RTN4IP1: variants seen among roughly 807,000 people sequenced by gnomAD.
RTN4IP1 encodes the protein NAD(P)H oxidoreductase RTN4IP1, mitochondrial.
Under a neutral mutation model 46.6 loss-of-function variants are expected in RTN4IP1, and 32 were observed. The ratio of observed to expected loss-of-function variants is 0.69; its 90% confidence interval spans 0.52 to 0.92. RTN4IP1 has a LOEUF of 0.92. Ranked by LOEUF, RTN4IP1 falls within the 40% of genes least tolerant of loss-of-function variation. The pLI is 0.00. For missense variants in RTN4IP1, 424 were observed against 485.8 expected (o/e 0.87, Z 1.20); for synonymous variants, 167 against 161.8 (o/e 1.03, Z -0.24).
chr6:106,572,007 T>TTA lies in RTN4IP1; in HGVS notation c.1179_1180insTA (p.Asn394Ter). 6.2e-7 allele frequency: 1 copy of TTA among 1,611,082 alleles called. No individual in the cohort carries two copies. The highest frequency in any genetic ancestry group is 8.5e-7 in the Non-Finnish European group (1 of 1,177,458). Reference sequence around the variant, plus strand: ...AACTGCATTTTTATTTAAACAACATTAATTACAGTCTTTCCTCGTGCGTGT... The same window carrying TTA: ...AACTGCATTTTTATTTAAACAACATTTAAATTACAGTCTTTCCTCGTGCGTGT... On this transcript the variant is annotated frameshift_variant, in exon 9 of 9. Coordinates refer to ENST00000369063, the MANE Select transcript of RTN4IP1 (RefSeq NM_032730.5). LOFTEE classifies it high-confidence loss of function.
intron 4 of RTN4IP1, among the ~76,000 whole-genome samples, chr6:106,613,512 A>G (rs1261142387): frequency 6.6e-6 from 1 of 152,272 alleles, no homozygotes; most frequent in Non-Finnish European, 1.5e-5. Flanking sequence ...GAGGTTAACA[A>G]CAAACTAATC....
chr6:106,629,564 G>A, upstream of RTN4IP1: 2 of 1,266,700 alleles, frequency 1.6e-6, no homozygotes, highest in Admixed American at 4.4e-5. Context: ...CAAGTACTCG[G>A]TGTTGAAGGG....
intron 8 of RTN4IP1, among the ~76,000 whole-genome samples, chr6:106,580,044 C>T (rs564701627): frequency 1.5e-4 from 23 of 151,884 alleles, no homozygotes; most frequent in Non-Finnish European, 2.6e-4. Flanking sequence ...GAAACCCCAT[C>T]TCTACTAAAG....
rs374664118 is a variant in RTN4IP1, at chr6:106,612,124, C to T, written c.620+7078G>A. ...GTGATGGGCAGGGCATGGTGGCTCA[C>T]GCCTGTAATCCCAGGACTTTGGGAG... is the stretch of plus-strand genomic sequence containing the variant. On this transcript the variant is annotated intron_variant, in intron 4 of 8. Transcript: ENST00000369063. Among the ~76,000 whole-genome samples, 15 of 152,042 alleles carry T rather than the reference C, an allele frequency of 9.9e-5. 1 individual carries two copies. Among genetic ancestry groups the T allele is most frequent in the Admixed American group, 5.2e-4 (8 of 15,282 alleles).
chr6:106,613,029 G>A (rs1038533719), intron 4 of RTN4IP1, among the ~76,000 whole-genome samples: 17 of 152,054 alleles, frequency 1.1e-4, no homozygotes, highest in East Asian at 5.8e-4. Context: ...CTTTTGTGGC[G>A]CCGAAACTTT....
rs552464597 is a variant in RTN4IP1 at position 106,619,460 on chromosome 6, C to T, written c.496-134G>A. 108 of 997,148 alleles carry T rather than the reference C, an allele frequency of 1.1e-4. No individual in the cohort carries two copies. The South Asian group carries it at 1.6e-3, about 15-fold the overall frequency. The allele number at this position is 997,148 out of a possible 1,614,324, so 61.8% of individuals were successfully genotyped here. On this transcript the variant is annotated intron_variant, in intron 3 of 8. Transcript: ENST00000369063. ...TTTGAATTGTGCAAGTCCACTTATA[C>T]GTGGATTTCCTGCCTCTGCCACCTC...
chr6:106,621,181 GC>G lies in RTN4IP1; in HGVS notation c.495+243del, dbSNP rs199783360. 4.8e-5 allele frequency among the ~76,000 whole-genome samples: 7 copies of G among 144,892 alleles called. No individual in the cohort carries two copies. In the East Asian group the frequency reaches 1.1e-3, roughly 22 times the overall value. ...ATCTAGGGTAAAACCAAGCAACACA[GC>G]AGGGTTCTAGGTCTCATTCCAAATC... On this transcript the variant is annotated intron_variant, in intron 3 of 8. Transcript: ENST00000369063.
chr6:106,588,218 C>T (rs1163218481), intron 6 of RTN4IP1, among the ~76,000 whole-genome samples: 2 of 152,120 alleles, frequency 1.3e-5, no homozygotes, highest in African/African-American at 4.8e-5. Context: ...ATTTTCCAGC[C>T]CAAAATGTCG....
intron 8 of RTN4IP1, chr6:106,572,447 CA>C: frequency 4.8e-6 from 1 of 210,304 alleles, no homozygotes; most frequent in Non-Finnish European, 9.6e-6. Context: ...CCATGCTTTG[CA>C]AAAACGCTCT....
chr6:106,617,503 A>G (rs1776383797), intron 4 of RTN4IP1, among the ~76,000 whole-genome samples: 1 of 152,192 alleles, frequency 6.6e-6, no homozygotes, highest in African/African-American at 2.4e-5. Flanking sequence ...GGAAACCACA[A>G]AGAGACCATA....
Position 106,596,429 on chromosome 6 carries a change from A to G in RTN4IP1, c.670-4129T>C, listed in dbSNP as rs531089926. Among the ~76,000 whole-genome samples, 260 of 152,258 alleles carry G rather than the reference A, an allele frequency of 1.7e-3. 1 individual carries two copies. Among genetic ancestry groups the G allele is most frequent in the African/African-American group, 6.0e-3 (249 of 41,544 alleles). ...AAGACCCCATCGCTACAAAAACGTG[A>G]AAAAATTAGCTGGGCATGGTGGCAT... On this transcript the variant is annotated intron_variant, in intron 5 of 8. Coordinates refer to ENST00000369063, the MANE Select transcript of RTN4IP1 (RefSeq NM_032730.5).
intron 4 of RTN4IP1, among the ~76,000 whole-genome samples, chr6:106,615,122 A>ACC (rs1019563785): frequency 6.6e-6 from 1 of 151,508 alleles, no homozygotes; most frequent in Non-Finnish European, 1.5e-5. Flanking sequence ...ACTTCCCCTT[A>ACC]CCCCCCTAAC....
intron 7 of RTN4IP1, among the ~76,000 whole-genome samples, chr6:106,584,197 C>T (rs1775431426): frequency 6.6e-6 from 1 of 152,188 alleles, no homozygotes; most frequent in African/African-American, 2.4e-5. Flanking sequence ...CCTCAGCCTC[C>T]CAAAGTGCTA....
intron 4 of RTN4IP1, among the ~76,000 whole-genome samples, chr6:106,616,600 T>C (rs1045701002): frequency 2.0e-5 from 3 of 152,208 alleles, no homozygotes; most frequent in African/African-American, 4.8e-5. Context: ...AGAACAGTTA[T>C]TGCTTAGCAT....
At chr6:106,628,358 T>TCGGG (rs1419407111) in intron 1 of RTN4IP1, among the ~76,000 whole-genome samples, 1 of 151,768 alleles carries the variant, frequency 6.6e-6, no homozygotes, top group Non-Finnish European at 1.5e-5. Flanking sequence ...TCCCAGCTAC[T>TCGGG]CGGGAGGCTG....
chr6:106,586,942 A>G (rs1393302787), intron 7 of RTN4IP1, among the ~76,000 whole-genome samples: 1 of 152,204 alleles, frequency 6.6e-6, no homozygotes, highest in Non-Finnish European at 1.5e-5. Flanking sequence ...AGCTCCATAC[A>G]GCCCTGGTAA....
chr6:106,572,302 GC>G, intron 8 of RTN4IP1, 199 bp from the exon 9 acceptor site: 1 of 580,824 alleles, frequency 1.7e-6, no homozygotes, highest in South Asian at 2.1e-5. Flanking sequence ...TCTCTTTATG[GC>G]CCCTCCCACC....
intron 1 of RTN4IP1, among the ~76,000 whole-genome samples, chr6:106,624,023 C>G (rs1396993072): frequency 6.6e-6 from 1 of 152,182 alleles, no homozygotes; most frequent in African/African-American, 2.4e-5. Context: ...TGCATCTGTT[C>G]TGATGTGTAA....
Position 106,592,308 on chromosome 6 carries a change from C to T in RTN4IP1, c.670-8G>A, listed in dbSNP as rs1188624499. 2 of 1,601,436 alleles carry T rather than the reference C, an allele frequency of 1.2e-6. No homozygotes were observed. Among genetic ancestry groups the T allele is most frequent in the African/African-American group, 2.7e-5 (2 of 73,818 alleles). On this transcript the variant is annotated splice_region_variant and splice_polypyrimidine_tract_variant and intron_variant, in intron 5 of 8. Coordinates refer to ENST00000369063, the MANE Select transcript of RTN4IP1 (RefSeq NM_032730.5). Reference sequence around the variant, plus strand: ...ATCCCATGCTTTCATTACCTGCCCCCCACCAAAAAGAAAAAAAGAATAAAA... The same window carrying T: ...ATCCCATGCTTTCATTACCTGCCCCTCACCAAAAAGAAAAAAAGAATAAAA...
Sources: gnomAD v4.1 joint callset for allele counts (sites outside exome capture counted in the v4.1 genomes callset) on GRCh38, gnomAD v4.1.1 for gene constraint, MANE v1.5 for transcripts, NCBI Gene and HGNC (gene_info 2026-07-23, HGNC 2026-07-21) for gene names.